Variants in MDGA2 observed in about 807,000 individuals in gnomAD.
MDGA2 encodes the protein MAM domain containing glycosylphosphatidylinositol anchor 2.
In MDGA2, 40 loss-of-function variants were observed where a neutral mutation model predicts 117.8. That is an observed-to-expected ratio of 0.34 (90% CI 0.26 to 0.44). MDGA2 has a LOEUF of 0.44. Among genes scored for constraint, MDGA2 ranks in the 20% least tolerant of loss-of-function variants. The probability of loss-of-function intolerance (pLI) is 1.00; values close to 1 mark genes in which losing one functional copy is unlikely to be tolerated. For missense variants in MDGA2, 1,123 were observed against 1,250.6 expected, an observed-to-expected ratio of 0.90 and a Z score of 1.54; for synonymous variants, 452 against 439.0, an observed-to-expected ratio of 1.03 and a Z score of -0.37.
intron 7 of MDGA2, among the ~76,000 whole-genome samples, chr14:47,047,753 G>T (rs1384748096): frequency 6.6e-6 from 1 of 151,794 alleles, no homozygotes; most frequent in Non-Finnish European, 1.5e-5. Context: ...TCATACTTAT[G>T]ATGTCTCGAG....
rs144161034 is a variant in MDGA2, at chr14:47,325,960, C to T, written c.281-24410G>A. On this transcript the variant is annotated intron_variant, in intron 1 of 16. Coordinates refer to ENST00000399232, the MANE Select transcript of MDGA2 (RefSeq NM_001113498.3). ...CGGGACCAAATTAAGACAGTTATTG[C>T]GGAAGATGCCCAGAATTCACTTGAG... Among the ~76,000 whole-genome samples the T allele has an allele frequency of 2.7e-3, 413 of 152,106 alleles. 1 individual carries two copies. The highest frequency in any genetic ancestry group is 9.3e-3 in the African/African-American group (388 of 41,500).
intron 1 of MDGA2, among the ~76,000 whole-genome samples, chr14:47,373,700 C>A (rs1384254805): frequency 6.6e-6 from 1 of 151,888 alleles, no homozygotes; most frequent in South Asian, 2.1e-4. Context: ...TAGGGGGTTT[C>A]TTTTTGGAGG....
chr14:47,068,680 T>G (rs150010857), intron 6 of MDGA2, among the ~76,000 whole-genome samples: 1 of 152,204 alleles, frequency 6.6e-6, no homozygotes, highest in East Asian at 1.9e-4. Flanking sequence ...TTATACTTTT[T>G]ATTAGTTGCT....
At chr14:47,229,511 C>T (rs903435490) in intron 2 of MDGA2, among the ~76,000 whole-genome samples, 15 of 151,858 alleles carry the variant, frequency 9.9e-5, no homozygotes, top group African/African-American at 2.4e-4. Context: ...TACACAAATA[C>T]ATTTTTAAAA....
intron 6 of MDGA2, among the ~76,000 whole-genome samples, chr14:47,068,877 T>C (rs1236913678): frequency 6.6e-6 from 1 of 152,194 alleles, no homozygotes; most frequent in Non-Finnish European, 1.5e-5. Flanking sequence ...TTACCTTTCT[T>C]GAGCTTTTTT....
chr14:47,590,903 C>T (rs76198100), intron 1 of MDGA2, among the ~76,000 whole-genome samples: 3 of 152,050 alleles, frequency 2.0e-5, no homozygotes, highest in Non-Finnish European at 2.9e-5. Context: ...TGATCAACCA[C>T]AGTCAGAAGG....
At chr14:47,324,227 A>G (rs1566738954) in intron 1 of MDGA2, among the ~76,000 whole-genome samples, 1 of 152,142 alleles carries the variant, frequency 6.6e-6, no homozygotes, top group Non-Finnish European at 1.5e-5. Flanking sequence ...CCTGGGTGAC[A>G]GAGTGAGACT....
intron 1 of MDGA2, among the ~76,000 whole-genome samples, chr14:47,476,650 TTA>T (rs1329509615): frequency 6.6e-6 from 1 of 152,100 alleles, no homozygotes; most frequent in Non-Finnish European, 1.5e-5. Context: ...TAGCATGAGA[TTA>T]TATATATTTA....
chr14:47,319,349 T>C (rs1327886841), intron 1 of MDGA2, among the ~76,000 whole-genome samples: 2 of 152,328 alleles, frequency 1.3e-5, no homozygotes, highest in Non-Finnish European at 2.9e-5. Flanking sequence ...ACGTCTATTA[T>C]AATCTGCAAA....
rs1319578926 is a variant in MDGA2 at position 47,168,359 on chromosome 14, T to C, written c.596-24085A>G. On this transcript the variant is annotated intron_variant, in intron 3 of 16. Coordinates refer to ENST00000399232, the MANE Select transcript of MDGA2 (RefSeq NM_001113498.3). ...CAGTTTAATTTTGTTTTCAATAACA[T>C]CTATATTCTATATAATTTTTCATCA... 2.7e-5 allele frequency among the ~76,000 whole-genome samples: 4 copies of C among 150,834 alleles called. No individual in the cohort carries two copies. In the East Asian group the frequency reaches 5.9e-4, roughly 22 times the overall value.
At chr14:47,623,213 T>C (rs1036748276) in intron 1 of MDGA2, among the ~76,000 whole-genome samples, 1 of 152,134 alleles carries the variant, frequency 6.6e-6, no homozygotes, top group Non-Finnish European at 1.5e-5. Context: ...CCTTCCACCA[T>C]GGGATGATGC....
chr14:47,054,651 A>G (rs1977814), intron 7 of MDGA2, among the ~76,000 whole-genome samples: 48,417 of 151,508 alleles, frequency 0.32, 8,429 homozygotes, highest in East Asian at 0.52. Flanking sequence ...GTACCAAAAC[A>G]GAGATATAGA....
chr14:46,968,465 A>T (rs34706570), intron 8 of MDGA2, among the ~76,000 whole-genome samples: 17,974 of 152,184 alleles, frequency 0.12, 2,028 homozygotes, highest in African/African-American at 0.27. Context: ...CATTAAAAAA[A>T]TGAAGTCAAA....
chr14:47,661,751 T>TTTC (rs1312161786), intron 1 of MDGA2, among the ~76,000 whole-genome samples: 4 of 145,434 alleles, frequency 2.8e-5, no homozygotes, highest in African/African-American at 7.6e-5. Flanking sequence ...AGTTTCTTTT[T>TTTC]TTTTTTTTTT....
intron 1 of MDGA2, among the ~76,000 whole-genome samples, chr14:47,395,240 G>A (rs1891982837): frequency 6.6e-6 from 1 of 151,944 alleles, no homozygotes; most frequent in Non-Finnish European, 1.5e-5. Flanking sequence ...ACAAATTAGA[G>A]TCCTAATTTA....
At chr14:47,111,893 T>G (rs1490438214) in intron 5 of MDGA2, among the ~76,000 whole-genome samples, 37 of 152,166 alleles carry the variant, frequency 2.4e-4, no homozygotes, top group Admixed American at 2.4e-3. Context: ...GTAATACACT[T>G]GAGCAGCTAG....
chr14:47,026,260 G>C (rs917487836), intron 8 of MDGA2, among the ~76,000 whole-genome samples: 3 of 152,136 alleles, frequency 2.0e-5, no homozygotes, highest in Non-Finnish European at 4.4e-5. Flanking sequence ...TGGAGGGAGA[G>C]GAAGTTATGT....
In MDGA2 at chr14:46,930,260, T is replaced by C. The variant is rs1017496188; in HGVS notation, c.2090-10100A>G. Among the ~76,000 whole-genome samples the C allele has an allele frequency of 5.9e-5, 9 of 152,168 alleles. No homozygotes were observed. The East Asian group carries it at 1.5e-3, about 26-fold the overall frequency. On this transcript the variant is annotated intron_variant, in intron 9 of 16. Transcript: ENST00000399232. ...ATAGATAATTAAAACTTAGTCCCAA[T>C]TGCACTTTGTAGATGCAGTACAAGC...
intron 9 of MDGA2, among the ~76,000 whole-genome samples, chr14:46,940,177 A>G (rs1389799408): frequency 6.6e-6 from 1 of 152,178 alleles, no homozygotes; most frequent in Non-Finnish European, 1.5e-5. Flanking sequence ...ATTTGAAAGT[A>G]TTGTCGACTC....
Sources: allele counts gnomAD v4.1 joint callset (sites outside exome capture counted in the v4.1 genomes callset), GRCh38; gene constraint gnomAD v4.1.1; transcripts MANE v1.5; gene names NCBI Gene and HGNC (gene_info 2026-07-23, HGNC 2026-07-21).